Variants in NFKB1 observed in about 807,000 individuals in gnomAD.
The protein encoded by NFKB1 is nuclear factor kappa B subunit 1.
Under a neutral mutation model 105.1 loss-of-function variants are expected in NFKB1, and 9 were observed. That is an observed-to-expected ratio of 0.09 (90% CI 0.05 to 0.15). The LOEUF (loss-of-function observed/expected upper bound fraction) is 0.15. Ranked by LOEUF, NFKB1 falls within the 10% of genes least tolerant of loss-of-function variation. NFKB1 has a pLI of 1.00. For missense variants in NFKB1, 830 were observed against 1,203.7 expected (o/e 0.69, Z 4.59); for synonymous variants, 440 against 442.2 (o/e 1.00, Z 0.06).
intron 23 of NFKB1, among the ~76,000 whole-genome samples, chr4:102,615,294 TTCCTCCACAC>T: frequency 6.6e-6 from 1 of 152,230 alleles, no homozygotes; most frequent in South Asian, 2.1e-4. Flanking sequence ...GTGGAAGCTC[TTCCTCCACAC>T]TGCGCCTCCA....
chr4:102,561,671 C>T (rs993773800), intron 5 of NFKB1, among the ~76,000 whole-genome samples: 1 of 152,154 alleles, frequency 6.6e-6, no homozygotes, highest in Non-Finnish European at 1.5e-5. Context: ...GGAACCATGG[C>T]AACCTACCTT....
In NFKB1 at chr4:102,576,869, T is replaced by A; in HGVS notation, c.408-7T>A. The A allele has an allele frequency of 6.2e-7, 1 of 1,602,820 alleles. No individual in the cohort carries two copies. Among genetic ancestry groups the A allele is most frequent in the Non-Finnish European group, 8.5e-7 (1 of 1,175,888 alleles). ...TGTTGCTGCTGCTGTTACTGTTTTT[T>A]CTCCAGCTTCGCAAACCTGGGTATA... On this transcript the variant is annotated splice_polypyrimidine_tract_variant and splice_region_variant and intron_variant, in intron 6 of 23. Coordinates refer to ENST00000226574, the MANE Select transcript of NFKB1 (RefSeq NM_003998.4).
chr4:102,537,991 C>G (rs752993800), intron 5 of NFKB1, 35 bp downstream of exon 5: 56 of 1,347,060 alleles, frequency 4.2e-5, no homozygotes, highest in Middle Eastern at 1.8e-4. Flanking sequence ...TATTTGAATT[C>G]TGGAAATTTT....
rs1328741179 is a variant in NFKB1, at chr4:102,616,490, A to C, written c.2806A>C (p.Lys936Gln). ...CDSGVETSFR[K>Q]LSFTESLTSG... The stretch of plus-strand genomic sequence containing the variant: ...CAGCGGCGTGGAGACATCCTTCCGC[A>C]AACTCAGCTTTACCGAGTCTCTGAC... The change falls in exon 24 of 24, where the codon AAA (lysine) becomes CAA (glutamine). Residue 936 changes from lysine (K) to glutamine (Q), a missense_variant. Physicochemically the swap from Lys to Gln is moderately conservative, Grantham distance 53. Transcript: ENST00000226574. 1 of 1,614,146 alleles carries C rather than the reference A, an allele frequency of 6.2e-7. No homozygotes were observed. Among genetic ancestry groups the C allele is most frequent in the Non-Finnish European group, 8.5e-7 (1 of 1,180,020 alleles).
intron 7 of NFKB1, 91 bp downstream of exon 7, chr4:102,577,130 A>G (rs1488704897): frequency 6.0e-6 from 8 of 1,324,504 alleles, no homozygotes; most frequent in Non-Finnish European, 8.3e-6. Flanking sequence ...CATCCCTTCC[A>G]GTCTCTACCC....
At chr4:102,607,869 G>T in intron 19 of NFKB1, 118 bp downstream of exon 19, 1 of 840,276 alleles carries the variant, frequency 1.2e-6, no homozygotes, top group African/African-American at 1.7e-5. Context: ...AAAAACAAGG[G>T]TAAATAAAAA....
intron 4 of NFKB1, among the ~76,000 whole-genome samples, chr4:102,536,028 A>G (rs1021178092): frequency 3.9e-5 from 6 of 152,196 alleles, no homozygotes; most frequent in East Asian, 1.9e-4. Flanking sequence ...TCTGTTGCAT[A>G]TTAATCAGTG....
At chr4:102,524,927 T>A (rs1740807985) in intron 1 of NFKB1, among the ~76,000 whole-genome samples, 1 of 152,224 alleles carries the variant, frequency 6.6e-6, no homozygotes, top group African/African-American at 2.4e-5. Context: ...GCTTGCCTAC[T>A]GCTCACCTCT....
At chr4:102,534,369 A>G (rs766824785) in intron 4 of NFKB1, among the ~76,000 whole-genome samples, 4 of 152,168 alleles carry the variant, frequency 2.6e-5, no homozygotes, top group Admixed American at 1.3e-4. Flanking sequence ...ACATACTGAA[A>G]GTACCAGTGG....
Position 102,606,482 on chromosome 4 carries a change from C to A in NFKB1, c.1753-14C>A. ...ACTGCTGACCAGTGAATCTCCTGCC[C>A]TTTCACTTTCCAGACGCCCTTGCAC... On this transcript the variant is annotated splice_polypyrimidine_tract_variant and intron_variant, in intron 16 of 23. Coordinates refer to ENST00000226574, the MANE Select transcript of NFKB1 (RefSeq NM_003998.4). 6.8e-6 allele frequency: 11 copies of A among 1,613,206 alleles called. No individual in the cohort carries two copies. The highest frequency in any genetic ancestry group is 9.3e-6 in the Non-Finnish European group (11 of 1,179,618).
intron 5 of NFKB1, among the ~76,000 whole-genome samples, chr4:102,563,386 G>A (rs888141402): frequency 6.6e-6 from 1 of 151,994 alleles, no homozygotes; most frequent in African/African-American, 2.4e-5. Context: ...TATTTACCCT[G>A]GAAATAGAAG....
intron 5 of NFKB1, among the ~76,000 whole-genome samples, chr4:102,542,085 C>A (rs1026981564): frequency 3.3e-5 from 5 of 152,146 alleles, no homozygotes; most frequent in Non-Finnish European, 5.9e-5. Context: ...ATGGGTTACT[C>A]TCTTACTGAT....
At chr4:102,594,795 C>T (rs1037912945) in intron 12 of NFKB1, 97 bp from the exon 13 acceptor site, 2 of 827,220 alleles carry the variant, frequency 2.4e-6, no homozygotes, top group Non-Finnish European at 4.0e-6. Flanking sequence ...TCCTGTCACA[C>T]CAAAGGCTGT....
At chr4:102,570,175 T>C (rs1560682578) in intron 6 of NFKB1, among the ~76,000 whole-genome samples, 1 of 152,128 alleles carries the variant, frequency 6.6e-6, no homozygotes, top group Non-Finnish European at 1.5e-5. Context: ...ATATACCAAC[T>C]GGTAAGCACT....
chr4:102,586,508 C>T (rs1391735535), intron 11 of NFKB1, among the ~76,000 whole-genome samples: 1 of 152,106 alleles, frequency 6.6e-6, no homozygotes, highest in Admixed American at 6.5e-5. Context: ...CATCTCAAAA[C>T]GAGATATAAC....
intron 5 of NFKB1, among the ~76,000 whole-genome samples, chr4:102,558,721 G>A (rs1723175174): frequency 6.6e-6 from 1 of 152,054 alleles, no homozygotes; most frequent in Non-Finnish European, 1.5e-5. Context: ...TGCGATCATA[G>A]CCCAATGCCA....
chr4:102,559,234 T>C (rs1165653481), intron 5 of NFKB1, among the ~76,000 whole-genome samples: 1 of 152,204 alleles, frequency 6.6e-6, no homozygotes, highest in Non-Finnish European at 1.5e-5. Context: ...TTTTGTCTTT[T>C]AATATAGAGA....
intron 6 of NFKB1, among the ~76,000 whole-genome samples, chr4:102,573,083 C>A (rs1271217514): frequency 6.6e-6 from 1 of 152,048 alleles, no homozygotes; most frequent in African/African-American, 2.4e-5. Flanking sequence ...CCGAGGCGGG[C>A]AGGTCACCTG....
chr4:102,605,181 A>G (rs996850736), intron 16 of NFKB1, among the ~76,000 whole-genome samples: 16 of 152,192 alleles, frequency 1.1e-4, no homozygotes, highest in Non-Finnish European at 2.4e-4. Context: ...TTTTGAGAAG[A>G]AGGCTCTTGG....
Sources: gnomAD v4.1 joint callset for allele counts (sites outside exome capture counted in the v4.1 genomes callset) on GRCh38, gnomAD v4.1.1 for gene constraint, MANE v1.5 for transcripts, NCBI Gene and HGNC (gene_info 2026-07-23, HGNC 2026-07-21) for gene names.